The following LRRC40 variants were observed in gnomAD, a reference collection of about 807,000 sequenced individuals.
The protein encoded by LRRC40 is leucine rich repeat containing 40, also known as leucine-rich repeat-containing protein 40.
A neutral mutation model predicts 72.8 loss-of-function variants in LRRC40; 76 were observed. The observed-to-expected ratio is 1.04, with a 90% CI of 0.87 to 1.26. LRRC40 has a LOEUF of 1.26. Ranked by LOEUF, LRRC40 falls within the 50% of genes most tolerant of loss-of-function variation. LRRC40 has a pLI of 0.00. For missense variants in LRRC40, 684 were observed against 698.9 expected (o/e 0.98, Z 0.24); for synonymous variants, 243 against 254.2 (o/e 0.96, Z 0.42).
intron 5 of LRRC40, among the ~76,000 whole-genome samples, chr1:70,179,742 T>A (rs1376003040): frequency 6.6e-6 from 1 of 152,198 alleles, no homozygotes; most frequent in East Asian, 1.9e-4. Flanking sequence ...GCTGCTTATG[T>A]CTTCGTTCTA....
At chr1:70,169,179 C>T (rs987050675) in intron 9 of LRRC40, among the ~76,000 whole-genome samples, 4 of 152,150 alleles carry the variant, frequency 2.6e-5, no homozygotes, top group African/African-American at 9.7e-5. Context: ...GCTCTGTACA[C>T]AGCCCCAGCA....
intron 6 of LRRC40, 71 bp downstream of exon 6, chr1:70,178,780 C>G: frequency 1.0e-6 from 1 of 966,992 alleles, no homozygotes; most frequent in Non-Finnish European, 1.5e-6. Context: ...ACAAGATTAG[C>G]TCCTTTAAAA....
chr1:70,175,369 C>T (rs113619957), intron 7 of LRRC40, among the ~76,000 whole-genome samples: 275 of 152,128 alleles, frequency 1.8e-3, no homozygotes, highest in African/African-American at 6.0e-3. Flanking sequence ...TTCTAGGGTC[C>T]CGTCATCAGA....
chr1:70,199,602 G>C (rs1034395611), intron 1 of LRRC40, among the ~76,000 whole-genome samples: 1 of 152,026 alleles, frequency 6.6e-6, no homozygotes, highest in African/African-American at 2.4e-5. Context: ...CACTCCACTT[G>C]ATGAATAGTA....
intron 4 of LRRC40, among the ~76,000 whole-genome samples, chr1:70,182,597 CT>C (rs1460425530): frequency 1.2e-4 from 18 of 151,862 alleles, no homozygotes; most frequent in South Asian, 2.1e-4. Context: ...AATAAACCCC[CT>C]TGTAAATTCT....
At chr1:70,202,194 C>T (rs903298232) in intron 1 of LRRC40, among the ~76,000 whole-genome samples, 1 of 152,072 alleles carries the variant, frequency 6.6e-6, no homozygotes, top group Non-Finnish European at 1.5e-5. Context: ...CTCCTAGGCT[C>T]TTATCCAAAT....
chr1:70,205,310 C>T, intron 1 of LRRC40, 80 bp downstream of exon 1: 1 of 1,362,066 alleles, frequency 7.3e-7, no homozygotes, highest in African/African-American at 1.4e-5. Flanking sequence ...GGGCCAAAGC[C>T]AGCCCAGAGA....
At chr1:70,162,431 A>G (rs906860517) in intron 9 of LRRC40, among the ~76,000 whole-genome samples, 11 of 152,070 alleles carry the variant, frequency 7.2e-5, no homozygotes, top group African/African-American at 2.7e-4. Context: ...AGAAATGCAA[A>G]TTTCCAGGCT....
chr1:70,168,148 T>G (rs1031659295), intron 9 of LRRC40, among the ~76,000 whole-genome samples: 2 of 152,198 alleles, frequency 1.3e-5, no homozygotes, highest in Non-Finnish European at 2.9e-5. Context: ...GAGGGCTTTC[T>G]TCCTGAGAGG....
At chr1:70,158,134 T>C (rs1667682022) in intron 10 of LRRC40, among the ~76,000 whole-genome samples, 1 of 138,410 alleles carries the variant, frequency 7.2e-6, no homozygotes, top group South Asian at 2.3e-4. Flanking sequence ...AAAAGCTAAG[T>C]TGCCATGCTC....
intron 9 of LRRC40, among the ~76,000 whole-genome samples, chr1:70,162,042 TC>T (rs1369963777): frequency 6.6e-6 from 1 of 152,164 alleles, no homozygotes; most frequent in Admixed American, 6.5e-5. Flanking sequence ...CAAGTTCTTT[TC>T]AATAGTAGAA....
intron 7 of LRRC40, 115 bp downstream of exon 7, chr1:70,175,695 T>A: frequency 5.7e-6 from 4 of 704,912 alleles, no homozygotes. Context: ...TCAATCAATA[T>A]TTAGTGAATT....
At position 70,189,218 on chromosome 1, in the gene LRRC40, A is replaced by T; in HGVS notation, c.207T>A (p.Asn69Lys). The part of the protein sequence containing the change: ...NVDIPEEANQ[N>K]LSFGATERWW... The stretch of plus-strand genomic sequence containing the variant: ...ATCTTTCAGTAGCACCAAACGAAAG[A>T]TTCTGATTAGCTTCCTCAGGGATAT... The change falls in exon 2 of 15, where the codon AAT (asparagine) becomes AAA (lysine). Residue 69 changes from asparagine to lysine, a missense_variant. Coordinates refer to ENST00000370952, the MANE Select transcript of LRRC40 (RefSeq NM_017768.5). 1 of 1,610,110 alleles carries T rather than the reference A, an allele frequency of 6.2e-7. No individual in the cohort carries two copies. The highest frequency in any genetic ancestry group is 8.5e-7 in the Non-Finnish European group (1 of 1,178,076).
At chr1:70,193,010 T>A (rs920569538) in intron 1 of LRRC40, among the ~76,000 whole-genome samples, 2 of 152,004 alleles carry the variant, frequency 1.3e-5, no homozygotes, top group Non-Finnish European at 1.5e-5. Context: ...ACTCAATGTA[T>A]CCATTGTCTA....
chr1:70,196,022 G>A (rs568209620), intron 1 of LRRC40, among the ~76,000 whole-genome samples: 1 of 152,034 alleles, frequency 6.6e-6, no homozygotes, highest in Non-Finnish European at 1.5e-5. Context: ...ACTTGTACAT[G>A]AGGCACAGAG....
Position 70,159,368 on chromosome 1 carries a change from A to T in LRRC40, c.1182T>A (p.Asn394Lys), listed in dbSNP as rs764390437. 1.3e-6 allele frequency: 2 copies of T among 1,583,430 alleles called. No individual in the cohort carries two copies. The highest frequency in any genetic ancestry group is 2.7e-5 in the African/African-American group (2 of 74,400). ...AMTLPSESRV[N>K]IHAIITLKIL... is the part of the protein sequence containing the mutation. Reference sequence around the variant, plus strand: ...TTTTTAATGTAATGATGGCATGTATATTGACTCTGGATTCACTTGGTAGTG... The same window carrying T: ...TTTTTAATGTAATGATGGCATGTATTTTGACTCTGGATTCACTTGGTAGTG... The change falls in exon 10 of 15, where the codon AAT becomes AAA. Residue 394 changes from asparagine (N) to lysine (K), a missense_variant. Asn to Lys is a moderately conservative substitution (Grantham distance 94, BLOSUM62 0). Transcript: ENST00000370952.
chr1:70,190,527 AT>A (rs1668471569), intron 1 of LRRC40, among the ~76,000 whole-genome samples: 1 of 151,120 alleles, frequency 6.6e-6, no homozygotes, highest in Non-Finnish European at 1.5e-5. Flanking sequence ...AAAAAAAAAA[AT>A]CAGCTGGTGT....
At chr1:70,198,552 T>C (rs1039952120) in intron 1 of LRRC40, among the ~76,000 whole-genome samples, 2 of 152,218 alleles carry the variant, frequency 1.3e-5, no homozygotes, top group African/African-American at 4.8e-5. Context: ...CATATTCTCA[T>C]GTTGCTGCTC....
At position 70,196,073 on chromosome 1, in the gene LRRC40, A is replaced by G. The variant is rs72929211; in HGVS notation, c.152-6800T>C. Among the ~76,000 whole-genome samples the G allele has an allele frequency of 3.2e-3, 486 of 152,064 alleles. 2 individuals carry two copies. The highest frequency in any genetic ancestry group is 0.011 in the African/African-American group (461 of 41,448). On this transcript the variant is annotated intron_variant, in intron 1 of 14. Coordinates refer to ENST00000370952, the MANE Select transcript of LRRC40 (RefSeq NM_017768.5). ...TCACCACTGTCCAAGACACAGACAC[A>G]CCTTCCATTTGTAAGACCTACGAAA...
Sources: allele counts gnomAD v4.1 joint callset (sites outside exome capture counted in the v4.1 genomes callset), GRCh38; gene constraint gnomAD v4.1.1; transcripts MANE v1.5; gene names NCBI Gene and HGNC (gene_info 2026-07-23, HGNC 2026-07-21).